The following CRB1 variants were observed in gnomAD, a reference collection of about 807,000 sequenced individuals.
CRB1 encodes crumbs cell polarity complex component 1.
Under a neutral mutation model 120.0 loss-of-function variants are expected in CRB1, and 83 were observed. That is an observed-to-expected ratio of 0.69 (90% CI 0.58 to 0.83). The LOEUF is 0.83. Among genes scored for constraint, CRB1 ranks in the 40% least tolerant of loss-of-function variants. The pLI is 0.00. For synonymous variants in CRB1, 625 were observed against 612.5 expected (o/e 1.02, Z -0.30); for missense variants, 1,699 against 1,687.6 (o/e 1.01, Z -0.12).
chr1:197,223,277 GA>G, the CRB1 span: 1 of 872,992 alleles, frequency 1.1e-6, no homozygotes, highest in African/African-American at 1.7e-5. Context: ...GCCAGAATTA[GA>G]AAAGGGGTTT....
the CRB1 span, among the ~76,000 whole-genome samples, chr1:197,215,043 G>T: frequency 6.6e-6 from 1 of 152,104 alleles, no homozygotes; most frequent in Non-Finnish European, 1.5e-5. Context: ...ACATAAAAGT[G>T]ACACATTAAC....
At position 197,328,751 on chromosome 1, in the gene CRB1, T is replaced by C. The variant is rs765086054; in HGVS notation, c.400T>C (p.Cys134Arg). Residue 134 changes from cysteine (C) to arginine (R), a missense_variant, in exon 2 of 12, where the codon TGC (cysteine) becomes CGC (arginine). Coordinates refer to ENST00000367400, the MANE Select transcript of CRB1 (RefSeq NM_201253.3). ...ICHQDPIYPV[C>R]ICPAGYAGRF... is the part of the protein sequence containing the mutation. Reference sequence around the variant, plus strand: ...CCATCAGGACCCTATTTATCCTGTCTGCATCTGCCCTGCTGGATATGCTGG... The same window carrying C: ...CCATCAGGACCCTATTTATCCTGTCCGCATCTGCCCTGCTGGATATGCTGG... The C allele has an allele frequency of 6.2e-7, 1 of 1,611,654 alleles. No homozygotes were observed. Among genetic ancestry groups the C allele is most frequent in the South Asian group, 1.1e-5 (1 of 90,896 alleles).
Position 197,429,447 on chromosome 1 carries a change from A to G in CRB1, c.2677-2A>G. ...TATACCTTTGATTTCTTTTCTGCTC[A>G]GTCCAACCCCTGTCACAATGGAGGT... is the stretch of plus-strand genomic sequence containing the variant. On this transcript the variant is annotated splice_acceptor_variant, in intron 7 of 11. Coordinates refer to ENST00000367400, the MANE Select transcript of CRB1 (RefSeq NM_201253.3). LOFTEE classifies it high-confidence loss of function. 1 of 1,613,950 alleles carries G rather than the reference A, an allele frequency of 6.2e-7. No homozygotes were observed. The highest frequency in any genetic ancestry group is 2.2e-5 in the East Asian group (1 of 44,880).
chr1:197,289,335 T>G (rs1656027585), intron 1 of CRB1, among the ~76,000 whole-genome samples: 1 of 151,840 alleles, frequency 6.6e-6, no homozygotes, highest in African/African-American at 2.4e-5. Flanking sequence ...TCTTTTTTCT[T>G]CTATGGAAAA....
At chr1:197,274,804 T>G (rs1052923072) in intron 1 of CRB1, among the ~76,000 whole-genome samples, 8 of 152,186 alleles carry the variant, frequency 5.3e-5, no homozygotes, top group African/African-American at 1.9e-4. Flanking sequence ...ATTATATAGA[T>G]GTAGCACGGT....
chr1:197,359,684 A>G (rs775860414), intron 5 of CRB1, among the ~76,000 whole-genome samples: 19 of 152,160 alleles, frequency 1.2e-4, no homozygotes, highest in Admixed American at 3.9e-4. Flanking sequence ...ACTGTTTTCC[A>G]GTGTGTCTGT....
At chr1:197,409,045 T>C (rs1174725438) in intron 5 of CRB1, among the ~76,000 whole-genome samples, 3 of 152,236 alleles carry the variant, frequency 2.0e-5, no homozygotes, top group Admixed American at 1.3e-4. Flanking sequence ...CACAATAGAC[T>C]GAATCAAATC....
At chr1:197,351,382 A>AAAG (rs1660094689) in intron 4 of CRB1, among the ~76,000 whole-genome samples, 1 of 138,904 alleles carries the variant, frequency 7.2e-6, no homozygotes. Context: ...AAAAAAAAAA[A>AAAG]AAAAGGAGAA....
At chr1:197,202,503 G>A in the CRB1 span, among the ~76,000 whole-genome samples, 12,217 of 151,704 alleles carry the variant, frequency 0.081, 1,650 homozygotes, top group African/African-American at 0.28. Flanking sequence ...GAAATGAAGG[G>A]AAATGAAAAA....
chr1:197,374,613 G>A (rs911017740), intron 5 of CRB1, among the ~76,000 whole-genome samples: 3 of 152,146 alleles, frequency 2.0e-5, no homozygotes, highest in Non-Finnish European at 4.4e-5. Flanking sequence ...GGGTCATAGA[G>A]GGAGAGAGCA....
At chr1:197,393,731 A>G (rs1285667489) in intron 5 of CRB1, among the ~76,000 whole-genome samples, 3 of 152,128 alleles carry the variant, frequency 2.0e-5, no homozygotes, top group Non-Finnish European at 4.4e-5. Context: ...ATAGCCCACT[A>G]TAACCTCTGC....
the CRB1 span, among the ~76,000 whole-genome samples, chr1:197,255,764 A>G: frequency 2.6e-5 from 4 of 151,790 alleles, no homozygotes; most frequent in African/African-American, 4.8e-5. Context: ...AGCAAATTTA[A>G]TGAGTGATTC....
At chr1:197,240,011 AT>A in the CRB1 span, among the ~76,000 whole-genome samples, 1 of 151,630 alleles carries the variant, frequency 6.6e-6, no homozygotes, top group African/African-American at 2.4e-5. Flanking sequence ...ACTCTCCCCC[AT>A]TTATGATATA....
At chr1:197,303,492 T>G (rs1423451005) in intron 1 of CRB1, among the ~76,000 whole-genome samples, 1 of 152,036 alleles carries the variant, frequency 6.6e-6, no homozygotes, top group African/African-American at 2.4e-5. Flanking sequence ...AACAAATAAT[T>G]GTACCATCAG....
At chr1:197,429,233 TTC>T (rs148539456) in intron 7 of CRB1, 48 of 1,433,560 alleles carry the variant, frequency 3.3e-5, no homozygotes, top group Middle Eastern at 2.1e-4. Flanking sequence ...TTTATATCTT[TTC>T]TCTCTCTCTG....
At chr1:197,253,048 T>A in the CRB1 span, among the ~76,000 whole-genome samples, 1 of 152,040 alleles carries the variant, frequency 6.6e-6, no homozygotes, top group Middle Eastern at 3.2e-3. Flanking sequence ...CTAGTACAAT[T>A]GACACATGAA....
intron 11 of CRB1, chr1:197,442,854 G>C (rs1665520927): frequency 5.1e-6 from 1 of 194,264 alleles, no homozygotes; most frequent in Non-Finnish European, 1.0e-5. Context: ...GCCAGGTGTG[G>C]TGGTTCACTC....
At chr1:197,422,854 C>T (rs1267220477) in intron 6 of CRB1, 1 of 152,154 alleles carries the variant, frequency 6.6e-6, no homozygotes, top group Non-Finnish European at 1.5e-5. Flanking sequence ...GTAGTCTTCT[C>T]TGCTTTATAT....
intron 11 of CRB1, among the ~76,000 whole-genome samples, chr1:197,461,753 T>G (rs1005212136): frequency 6.6e-6 from 1 of 152,180 alleles, no homozygotes; most frequent in Non-Finnish European, 1.5e-5. Flanking sequence ...CTTTCCCCTC[T>G]ACCTGGCAAA....
Sources: allele counts gnomAD v4.1 joint callset (sites outside exome capture counted in the v4.1 genomes callset), GRCh38; gene constraint gnomAD v4.1.1; transcripts MANE v1.5; gene names NCBI Gene and HGNC (gene_info 2026-07-23, HGNC 2026-07-21).